GPC6: variants seen among roughly 807,000 people sequenced by gnomAD.
The protein encoded by GPC6 is glypican 6.
GPC6 carries 14 observed loss-of-function variants against 55.2 expected under a neutral mutation model. The ratio of observed to expected loss-of-function variants is 0.25; its 90% CI spans 0.17 to 0.40. The LOEUF (loss-of-function observed/expected upper bound fraction) is 0.40. GPC6 is among the 10% of genes least tolerant of loss of function. GPC6 has a pLI of 1.00. For missense variants in GPC6, 641 were observed against 708.5 expected, an observed-to-expected ratio of 0.90 and a Z score of 1.08; for synonymous variants, 278 against 259.6, an observed-to-expected ratio of 1.07 and a Z score of -0.68.
intron 3 of GPC6, among the ~76,000 whole-genome samples, chr13:93,949,810 C>A (rs1879172366): frequency 6.6e-6 from 1 of 152,116 alleles, no homozygotes; most frequent in African/African-American, 2.4e-5. Flanking sequence ...TCACTGCAAC[C>A]TCCACCTCTG....
intron 4 of GPC6, among the ~76,000 whole-genome samples, chr13:94,260,301 A>G (rs902858689): frequency 6.6e-6 from 1 of 152,180 alleles, no homozygotes; most frequent in African/African-American, 2.4e-5. Context: ...AAGATCAGTT[A>G]AGAGTAGTAT....
intron 4 of GPC6, among the ~76,000 whole-genome samples, chr13:94,188,385 C>T (rs1889271545): frequency 6.6e-6 from 1 of 152,118 alleles, no homozygotes; most frequent in Non-Finnish European, 1.5e-5. Context: ...AGTGACTTTC[C>T]TCTTGGCTGG....
At chr13:93,853,197 A>C (rs1278875622) in intron 3 of GPC6, among the ~76,000 whole-genome samples, 1 of 151,678 alleles carries the variant, frequency 6.6e-6, no homozygotes. Flanking sequence ...GCCAGGCTCC[A>C]GGAGTATAAT....
At position 93,736,182 on chromosome 13, in the gene GPC6, A is replaced by T. The variant is rs145387069; in HGVS notation, c.320-93972A>T. Reference sequence around the variant, plus strand: ...AGGGGCCCAGACAGTCACATGTTAAATGAATATAACCAGACCCTTTAGAGC... The same window carrying T: ...AGGGGCCCAGACAGTCACATGTTAATTGAATATAACCAGACCCTTTAGAGC... On this transcript the variant is annotated intron_variant, in intron 2 of 8. Coordinates refer to ENST00000377047, the MANE Select transcript of GPC6 (RefSeq NM_005708.5). 1.2e-4 allele frequency among the ~76,000 whole-genome samples: 18 copies of T among 152,356 alleles called. No individual in the cohort carries two copies. The East Asian group carries it at 3.5e-3, about 29-fold the overall frequency.
intron 1 of GPC6, among the ~76,000 whole-genome samples, chr13:93,462,590 T>C (rs1878732697): frequency 6.9e-6 from 1 of 144,520 alleles, no homozygotes; most frequent in African/African-American, 2.5e-5. Context: ...TTCTAGCTTC[T>C]GTAAAAGTTG....
chr13:93,744,528 CTTTTT>C (rs71736430), intron 2 of GPC6, among the ~76,000 whole-genome samples: 8 of 97,208 alleles, frequency 8.2e-5, no homozygotes, highest in African/African-American at 2.2e-4. Context: ...TTTCCCTAGT[CTTTTT>C]TTTTTTTTTT....
chr13:93,751,398 G>T (rs1387132707), intron 2 of GPC6, among the ~76,000 whole-genome samples: 1 of 151,324 alleles, frequency 6.6e-6, no homozygotes, highest in African/African-American at 2.4e-5. Flanking sequence ...CCATGATTGT[G>T]TGTCTGATAA....
intron 4 of GPC6, among the ~76,000 whole-genome samples, chr13:94,130,455 C>CA (rs948487138): frequency 2.9e-4 from 44 of 152,122 alleles, no homozygotes; most frequent in Admixed American, 9.8e-4. Flanking sequence ...TGTGTTAGAA[C>CA]AAAAAATGTA....
At chr13:94,127,548 A>G (rs909530145) in intron 4 of GPC6, among the ~76,000 whole-genome samples, 4 of 152,108 alleles carry the variant, frequency 2.6e-5, no homozygotes, top group African/African-American at 7.2e-5. Flanking sequence ...TCTTTTCTTT[A>G]TAAATTACCC....
At chr13:93,887,417 A>T (rs1875406767) in intron 3 of GPC6, among the ~76,000 whole-genome samples, 1 of 152,140 alleles carries the variant, frequency 6.6e-6, no homozygotes, top group Admixed American at 6.6e-5. Context: ...ATAGGAAATT[A>T]GAAAATCGAA....
At chr13:94,349,693 C>A (rs1048753333) in intron 6 of GPC6, among the ~76,000 whole-genome samples, 1 of 152,184 alleles carries the variant, frequency 6.6e-6, no homozygotes, top group African/African-American at 2.4e-5. Flanking sequence ...CCTAATTCTC[C>A]AACTGTCAAA....
intron 2 of GPC6, among the ~76,000 whole-genome samples, chr13:93,714,905 G>A (rs1379637908): frequency 2.6e-5 from 4 of 151,610 alleles, no homozygotes; most frequent in African/African-American, 9.7e-5. Context: ...TCTTTATCAT[G>A]TAGGGCTTTT....
intron 4 of GPC6, among the ~76,000 whole-genome samples, chr13:94,110,026 G>A (rs1020223256): frequency 4.2e-5 from 6 of 142,134 alleles, no homozygotes; most frequent in Admixed American, 3.0e-4. Context: ...TATCTTGAGT[G>A]TCCCAGATAA....
intron 1 of GPC6, among the ~76,000 whole-genome samples, chr13:93,348,348 G>C (rs2139160455): frequency 6.6e-6 from 1 of 152,224 alleles, no homozygotes; most frequent in East Asian, 1.9e-4. Context: ...TTGCCAAGTA[G>C]ATTGTGAATT....
intron 3 of GPC6, among the ~76,000 whole-genome samples, chr13:93,923,976 G>GTGGAA (rs1033571312): frequency 1.3e-5 from 2 of 152,106 alleles, no homozygotes; most frequent in African/African-American, 4.8e-5. Flanking sequence ...TGGAATGGAT[G>GTGGAA]TGGAATGGAA....
chr13:94,160,332 A>G (rs1365001517), intron 4 of GPC6, among the ~76,000 whole-genome samples: 1 of 152,236 alleles, frequency 6.6e-6, no homozygotes, highest in East Asian at 1.9e-4. Context: ...TGCAATGTAT[A>G]TCCTCTGTGG....
At chr13:94,337,948 A>G (rs1166697687) in intron 6 of GPC6, among the ~76,000 whole-genome samples, 2 of 152,128 alleles carry the variant, frequency 1.3e-5, no homozygotes, top group Non-Finnish European at 2.9e-5. Context: ...GAGGCATTCC[A>G]TGACCTTCGA....
chr13:93,307,806 C>T (rs1878909498), intron 1 of GPC6, among the ~76,000 whole-genome samples: 1 of 152,056 alleles, frequency 6.6e-6, no homozygotes, highest in Non-Finnish European at 1.5e-5. Context: ...TATTTATATT[C>T]TTGAAAAATG....
At chr13:94,159,499 C>A (rs1031307915) in intron 4 of GPC6, among the ~76,000 whole-genome samples, 1 of 152,144 alleles carries the variant, frequency 6.6e-6, no homozygotes, top group Non-Finnish European at 1.5e-5. Flanking sequence ...CATCAGATCT[C>A]ATGAGACTTA....
Sources: allele counts gnomAD v4.1 joint callset (sites outside exome capture counted in the v4.1 genomes callset), GRCh38; gene constraint gnomAD v4.1.1; transcripts MANE v1.5; gene names NCBI Gene and HGNC (gene_info 2026-07-23, HGNC 2026-07-21).